ARHGAP15: variants seen among roughly 807,000 people sequenced by gnomAD.
The protein encoded by ARHGAP15 is rho GTPase-activating protein 15.
ARHGAP15 carries 51 observed loss-of-function variants against 63.7 expected under a neutral mutation model. That is an observed-to-expected ratio of 0.80 (90% confidence interval 0.64 to 1.01). The LOEUF (loss-of-function observed/expected upper bound fraction) is 1.01. Among genes scored for constraint, ARHGAP15 ranks in the 50% least tolerant of loss-of-function variants. The probability of loss-of-function intolerance (pLI) is 0.00; values close to 1 mark genes in which losing one functional copy is unlikely to be tolerated. For synonymous variants in ARHGAP15, 191 were observed against 193.8 expected, an observed-to-expected ratio of 0.99 and a Z score of 0.12; for missense variants, 560 against 564.6, an observed-to-expected ratio of 0.99 and a Z score of 0.08.
At chr2:143,573,355 AC>A (rs1230202007) in intron 11 of ARHGAP15, among the ~76,000 whole-genome samples, 1 of 152,178 alleles carries the variant, frequency 6.6e-6, no homozygotes, top group African/African-American at 2.4e-5. Flanking sequence ...CTGCTAGAAA[AC>A]GAAAATACTC....
At chr2:143,611,643 T>C (rs546119484) in intron 11 of ARHGAP15, among the ~76,000 whole-genome samples, 12 of 152,298 alleles carry the variant, frequency 7.9e-5, no homozygotes, top group Admixed American at 1.3e-4. Flanking sequence ...GTCCAGTCTT[T>C]ATCTCTTTAC....
chr2:143,554,515 G>A (rs1220473707), intron 10 of ARHGAP15, among the ~76,000 whole-genome samples: 6 of 152,076 alleles, frequency 3.9e-5, no homozygotes, highest in African/African-American at 7.2e-5. Flanking sequence ...AAAAAATTAA[G>A]AGGGAAAACT....
intron 13 of ARHGAP15, among the ~76,000 whole-genome samples, chr2:143,744,347 G>A (rs1228107712): frequency 1.3e-5 from 2 of 152,174 alleles, no homozygotes; most frequent in African/African-American, 4.8e-5. Flanking sequence ...TTTCCTTATG[G>A]TCATCAGCTG....
chr2:143,389,136 TTTTTA>T (rs1558938608), intron 6 of ARHGAP15, among the ~76,000 whole-genome samples: 9 of 149,166 alleles, frequency 6.0e-5, no homozygotes, highest in African/African-American at 1.7e-4. Context: ...TTATTATTAT[TTTTTA>T]TTATTATTAT....
intron 6 of ARHGAP15, among the ~76,000 whole-genome samples, chr2:143,332,971 A>C (rs1339053593): frequency 2.8e-5 from 4 of 142,978 alleles, no homozygotes; most frequent in Non-Finnish European, 6.0e-5. Flanking sequence ...GACATTTAAA[A>C]TGAAAAAAAA....
At chr2:143,184,106 T>C (rs1691345502) in intron 2 of ARHGAP15, among the ~76,000 whole-genome samples, 1 of 152,166 alleles carries the variant, frequency 6.6e-6, no homozygotes, top group African/African-American at 2.4e-5. Flanking sequence ...GCTTATATTT[T>C]GAAGTATATC....
intron 8 of ARHGAP15, among the ~76,000 whole-genome samples, chr2:143,470,440 G>A (rs1341998221): frequency 6.6e-6 from 1 of 151,278 alleles, no homozygotes; most frequent in African/African-American, 2.4e-5. Flanking sequence ...AGAGCATAGG[G>A]CTTTTCCATA....
chr2:143,438,261 AT>A (rs1689701987), intron 8 of ARHGAP15, among the ~76,000 whole-genome samples: 1 of 152,148 alleles, frequency 6.6e-6, no homozygotes, highest in Non-Finnish European at 1.5e-5. Context: ...ACATATATAC[AT>A]ATATACATAC....
intron 6 of ARHGAP15, among the ~76,000 whole-genome samples, chr2:143,308,070 A>C (rs1433786957): frequency 6.6e-6 from 1 of 152,172 alleles, no homozygotes; most frequent in Admixed American, 6.6e-5. Context: ...AACTGTGAGC[A>C]ATTTTTTGAA....
intron 1 of ARHGAP15, among the ~76,000 whole-genome samples, chr2:143,154,598 G>GTGTT (rs1690007119): frequency 2.0e-5 from 3 of 152,022 alleles, no homozygotes; most frequent in South Asian, 4.1e-4. Flanking sequence ...ATGAGAAGAT[G>GTGTT]TGTTTGTATT....
intron 12 of ARHGAP15, among the ~76,000 whole-genome samples, chr2:143,696,726 A>G (rs192359615): frequency 1.3e-5 from 2 of 152,230 alleles, no homozygotes; most frequent in African/African-American, 4.8e-5. Flanking sequence ...TCAAAAAAAC[A>G]GCCAAAACAT....
At chr2:143,755,277 G>C (rs562958425) in intron 13 of ARHGAP15, among the ~76,000 whole-genome samples, 4 of 149,222 alleles carry the variant, frequency 2.7e-5, no homozygotes, top group Admixed American at 2.0e-4. Flanking sequence ...GCATATATGG[G>C]GGGGGGGGAT....
intron 9 of ARHGAP15, among the ~76,000 whole-genome samples, chr2:143,512,729 C>T (rs189193439): frequency 1.3e-5 from 2 of 152,348 alleles, no homozygotes; most frequent in East Asian, 3.9e-4. Flanking sequence ...GAGCTCATGA[C>T]ATGGGTATGG....
At chr2:143,182,728 C>A (rs1188322732) in intron 2 of ARHGAP15, among the ~76,000 whole-genome samples, 1 of 152,134 alleles carries the variant, frequency 6.6e-6, no homozygotes, top group Non-Finnish European at 1.5e-5. Flanking sequence ...CAATCACGTG[C>A]AACAGCTGGA....
At chr2:143,507,310 T>A (rs1693365544) in intron 9 of ARHGAP15, among the ~76,000 whole-genome samples, 3 of 152,192 alleles carry the variant, frequency 2.0e-5, no homozygotes, top group Admixed American at 2.0e-4. Context: ...GATACTATTT[T>A]ACTGAACTCC....
At chr2:143,765,299 G>T (rs1049141545) in intron 13 of ARHGAP15, among the ~76,000 whole-genome samples, 1 of 152,096 alleles carries the variant, frequency 6.6e-6, no homozygotes, top group Non-Finnish European at 1.5e-5. Context: ...AACTGAGGTA[G>T]ATGGGCATGT....
intron 8 of ARHGAP15, among the ~76,000 whole-genome samples, chr2:143,485,415 A>G (rs572299109): frequency 8.5e-5 from 13 of 152,214 alleles, no homozygotes; most frequent in Non-Finnish European, 1.9e-4. Context: ...TAGATGGTAG[A>G]TATGTATGAG....
chr2:143,589,215 C>T (rs1485939487), intron 11 of ARHGAP15, among the ~76,000 whole-genome samples: 1 of 152,198 alleles, frequency 6.6e-6, no homozygotes, highest in Non-Finnish European at 1.5e-5. Context: ...CTTAAGTAGT[C>T]ACTGGTCACT....
At chr2:143,179,627 T>C (rs758512523) in intron 2 of ARHGAP15, among the ~76,000 whole-genome samples, 8 of 152,174 alleles carry the variant, frequency 5.3e-5, no homozygotes, top group Admixed American at 1.3e-4. Context: ...ATGGCTCATG[T>C]CTGTAATCCC....
Sources: gnomAD v4.1 joint callset for allele counts (sites outside exome capture counted in the v4.1 genomes callset) on GRCh38, gnomAD v4.1.1 for gene constraint, MANE v1.5 for transcripts, NCBI Gene and HGNC (gene_info 2026-07-23, HGNC 2026-07-21) for gene names.